Variants in A1BG observed in about 807,000 individuals in gnomAD.
A1BG encodes the protein alpha-1-B glycoprotein.
A neutral mutation model predicts 46.0 loss-of-function variants in A1BG; 44 were observed. The observed-to-expected ratio is 0.96, with a 90% confidence interval of 0.75 to 1.23. A1BG has a LOEUF of 1.23. Ranked by LOEUF, A1BG falls within the 50% of genes most tolerant of loss-of-function variation. A1BG has a pLI of 0.00. For synonymous variants in A1BG, 316 were observed against 314.7 expected (o/e 1.00, Z -0.04); for missense variants, 707 against 688.8 (o/e 1.03, Z -0.30).
chr19:58,351,252 C>T, intron 5 of A1BG, 139 bp downstream of exon 5: 1 of 1,084,662 alleles, frequency 9.2e-7, no homozygotes, highest in Non-Finnish European at 1.3e-6. Context: ...AGTTTAGGAC[C>T]CTGAATCGGC....
At chr19:58,347,813 C>G in intron 6 of A1BG, 173 bp from the exon 7 acceptor site, 1 of 372,228 alleles carries the variant, frequency 2.7e-6, no homozygotes, top group Non-Finnish European at 4.7e-6. Context: ...GCTGCGCCCG[C>G]TGCCTTCACA....
intron 6 of A1BG, among the ~76,000 whole-genome samples, chr19:58,347,999 AG>A (rs1265488323): frequency 9.8e-5 from 15 of 152,346 alleles, no homozygotes; most frequent in South Asian, 2.1e-4. Flanking sequence ...GGACCAAAAA[AG>A]GACATACAAT....
chr19:58,352,628 C>G, intron 3 of A1BG, 73 bp from the exon 4 acceptor site: 1 of 1,537,122 alleles, frequency 6.5e-7, no homozygotes, highest in Non-Finnish European at 8.8e-7. Context: ...AACCTGGGCC[C>G]CACACTCATA....
chr19:58,347,304 G>A, intron 7 of A1BG, 49 bp downstream of exon 7: 3 of 1,604,962 alleles, frequency 1.9e-6, no homozygotes, highest in East Asian at 2.2e-5. Context: ...CACAGCCCAG[G>A]CAAACATCAG....
At chr19:58,348,201 A>G (rs1665401639) in intron 6 of A1BG, among the ~76,000 whole-genome samples, 2 of 152,100 alleles carry the variant, frequency 1.3e-5, no homozygotes, top group African/African-American at 4.8e-5. Context: ...AAATACAAAA[A>G]ATTAGCCGGG....
chr19:58,349,085 C>T (rs1485056012), intron 6 of A1BG: 1 of 151,804 alleles, frequency 6.6e-6, no homozygotes, highest in Admixed American at 6.6e-5. Flanking sequence ...GTGGCATGAC[C>T]TGGACTCACT....
At chr19:58,347,957 AATG>A (rs1313166743) in intron 6 of A1BG, 1 of 242,822 alleles carries the variant, frequency 4.1e-6, no homozygotes, top group African/African-American at 2.2e-5. Flanking sequence ...GGGAAGAAGA[AATG>A]ATGGAGAAAA....
chr19:58,347,727 CGCGCCT>C lies in A1BG; in HGVS notation c.1193-93_1193-88del, dbSNP rs547975899. The C allele has an allele frequency of 4.2e-3, 3,465 of 818,636 alleles. 16 individuals carry two copies. Among genetic ancestry groups the C allele is most frequent in the Non-Finnish European group, 3.7e-3 (2,272 of 613,246 alleles). 50.7% of individuals were successfully genotyped at this position (818,636 alleles called of 1,614,324 possible). A position where few individuals can be genotyped will look rare whatever the true frequency, so the allele number is the denominator to read the frequency against. On this transcript the variant is annotated intron_variant, in intron 6 of 7. Transcript: ENST00000263100. ...CCCAGGCCACACCCCAGGCCGCGCCCGCGCCTGCGCCTCAGCCCCGGCTTCATCTTC... is the reference window on the plus strand; with the variant it reads ...CCCAGGCCACACCCCAGGCCGCGCCCGCGCCTCAGCCCCGGCTTCATCTTC...
At chr19:58,349,755 GAGAA>G (rs201638298) in intron 6 of A1BG, 3,322 of 149,434 alleles carry the variant, frequency 0.022, 66 homozygotes, top group Non-Finnish European at 0.031. Flanking sequence ...AAAGAAAAGA[GAGAA>G]AGAAGGAAGG....
At position 58,346,716 on chromosome 19, in the gene A1BG, C is replaced by T. The variant is rs1410305796; in HGVS notation, c.*306G>A. The T allele has an allele frequency of 4.3e-6, 2 of 465,328 alleles. No homozygotes were observed. Among genetic ancestry groups the T allele is most frequent in the Non-Finnish European group, 7.8e-6 (2 of 255,228 alleles). 28.8% of individuals were successfully genotyped at this position (465,328 alleles called of 1,614,324 possible). ...CCTGGGTGACAGTGTGAGACCCTGT[C>T]TCAAAAAAGAAAAAAGAAAAGAAAA... On this transcript the variant is annotated 3_prime_UTR_variant, in exon 8 of 8. Transcript: ENST00000263100.
chr19:58,350,277 C>T, intron 6 of A1BG, 93 bp downstream of exon 6: 1 of 1,418,880 alleles, frequency 7.0e-7, no homozygotes, highest in Non-Finnish European at 9.3e-7. Flanking sequence ...CCCAGAGCGC[C>T]GCCGTCGGAC....
chr19:58,347,342 G>C lies in A1BG; in HGVS notation c.1480+11C>G. The C allele has an allele frequency of 6.2e-7, 1 of 1,610,402 alleles. No individual in the cohort carries two copies. Among genetic ancestry groups the C allele is most frequent in the Non-Finnish European group, 8.5e-7 (1 of 1,179,758 alleles). Reference sequence around the variant, plus strand: ...GACGGAACCAGCACCCGGGACCCAGGGAAACGTCACCTGCCACCAGGAGCT... The same window carrying C: ...GACGGAACCAGCACCCGGGACCCAGCGAAACGTCACCTGCCACCAGGAGCT... On this transcript the variant is annotated intron_variant, in intron 7 of 7. Transcript: ENST00000263100.
chr19:58,350,032 G>A (rs776639847), intron 6 of A1BG: 21 of 246,882 alleles, frequency 8.5e-5, no homozygotes, highest in Non-Finnish European at 1.6e-4. Flanking sequence ...CGGGGCCGGG[G>A]CGGGGGGTCC....
Position 58,351,485 on chromosome 19 carries a change from C to A in A1BG, c.816G>T (p.Gly272=), listed in dbSNP as rs1462633193. ...IFFHLNAVAL[G]DGGHYTCRYR... is the part of the protein sequence containing the mutation. ...AGCGGCAGGTGTAGTGACCTCCATC[C>A]CCCAGGGCCACCGCGTTCAGGTGAA... Residue 272 remains glycine, a synonymous_variant, in exon 5 of 8, where the codon GGG becomes GGT. Coordinates refer to ENST00000263100, the MANE Select transcript of A1BG (RefSeq NM_130786.4). 1 of 1,613,756 alleles carries A rather than the reference C, an allele frequency of 6.2e-7. No individual in the cohort carries two copies. Among genetic ancestry groups the A allele is most frequent in the South Asian group, 1.1e-5 (1 of 91,082 alleles).
intron 1 of A1BG, 26 bp downstream of exon 1, chr19:58,353,378 G>A (rs1173914286): frequency 6.2e-6 from 10 of 1,603,548 alleles, no homozygotes; most frequent in Middle Eastern, 1.6e-4. Flanking sequence ...TCCCGCCCCA[G>A]GGACCCAGAC....
rs1370539192 is a variant in A1BG, at chr19:58,347,583, C to T, written c.1250G>A (p.Arg417Gln). The T allele has an allele frequency of 4.6e-6, 7 of 1,523,202 alleles. No homozygotes were observed. Among genetic ancestry groups the T allele is most frequent in the Non-Finnish European group, 6.1e-6 (7 of 1,140,392 alleles). The allele number at this position is 1,523,202 out of a possible 1,614,324, so 94.4% of individuals were successfully genotyped here. A position where few individuals can be genotyped will look rare whatever the true frequency, so the allele number is the denominator to read the frequency against. Residue 417 changes from arginine (R) to glutamine (Q), a missense_variant, in exon 7 of 8, where the codon CGA becomes CAA. By Grantham distance (43) the Arg-to-Gln change is conservative. Coordinates refer to ENST00000263100, the MANE Select transcript of A1BG (RefSeq NM_130786.4). ...TCCCTCGCAGCGCAGGACGGCATCTCGGCCCGCCAGGACCGCCCCACTCCA... is the reference window on the plus strand; with the variant it reads ...TCCCTCGCAGCGCAGGACGGCATCTTGGCCCGCCAGGACCGCCCCACTCCA... The part of the protein sequence containing the change: ...ATWSGAVLAG[R>Q]DAVLRCEGPI...
chr19:58,352,628 C>T, intron 3 of A1BG, 73 bp from the exon 4 acceptor site: 1 of 1,537,122 alleles, frequency 6.5e-7, no homozygotes, highest in Non-Finnish European at 8.8e-7. Context: ...AACCTGGGCC[C>T]CACACTCATA....
rs1037940386 is a variant in A1BG at position 58,345,520 on chromosome 19, T to C, written c.*1502A>G. 11 of 151,878 alleles carry C rather than the reference T, an allele frequency of 7.2e-5. No individual in the cohort carries two copies. The highest frequency in any genetic ancestry group is 2.7e-4 in the African/African-American group (11 of 41,396). 9.4% of individuals were successfully genotyped at this position (151,878 alleles called of 1,614,324 possible). On this transcript the variant is annotated 3_prime_UTR_variant, in exon 8 of 8. Coordinates refer to ENST00000263100, the MANE Select transcript of A1BG (RefSeq NM_130786.4). Reference sequence around the variant, plus strand: ...CCATCTCTACTAAAAACATAAAAATTAGCTGGGTGTGGTGGTGGGTGCCTG... The same window carrying C: ...CCATCTCTACTAAAAACATAAAAATCAGCTGGGTGTGGTGGTGGGTGCCTG...
chr19:58,351,350 G>A, intron 5 of A1BG, 41 bp downstream of exon 5: 1 of 1,596,300 alleles, frequency 6.3e-7, no homozygotes, highest in Non-Finnish European at 8.5e-7. Context: ...CTGCTCCCCA[G>A]GGACCCAGCC....
Sources: allele counts gnomAD v4.1 joint callset (sites outside exome capture counted in the v4.1 genomes callset), GRCh38; gene constraint gnomAD v4.1.1; transcripts MANE v1.5; gene names NCBI Gene and HGNC (gene_info 2026-07-23, HGNC 2026-07-21).